The following PCDHA11 variants were observed in gnomAD, a reference collection of about 807,000 sequenced individuals.
PCDHA11 encodes the protein protocadherin alpha 11, also known as protocadherin alpha-11.
A neutral mutation model predicts 70.3 loss-of-function variants in PCDHA11; 61 were observed. The ratio of observed to expected loss-of-function variants is 0.87; its 90% CI spans 0.71 to 1.07. PCDHA11 has a LOEUF of 1.07. PCDHA11 is among the 50% of genes least tolerant of loss of function. The pLI, the probability that PCDHA11 is intolerant of heterozygous loss-of-function variation, is 0.00. For synonymous variants in PCDHA11, 633 were observed against 555.1 expected (o/e 1.14, Z -1.97); for missense variants, 1,324 against 1,237.5 (o/e 1.07, Z -1.05).
intron 3 of PCDHA11, among the ~76,000 whole-genome samples, chr5:141,004,899 C>A (rs898562164): frequency 4.6e-5 from 7 of 152,096 alleles, no homozygotes. Context: ...TCAGCTCTGC[C>A]AGGGTGTAAG....
intron 3 of PCDHA11, among the ~76,000 whole-genome samples, chr5:140,983,386 A>G (rs1426409765): frequency 2.6e-5 from 4 of 152,216 alleles, no homozygotes. Context: ...TCGCTGTGGC[A>G]GTTTTCAGAA....
chr5:141,009,627 A>G lies in PCDHA11; in HGVS notation c.2540A>G (p.Glu847Gly), dbSNP rs782179145. 6.2e-7 allele frequency: 1 copy of G among 1,612,842 alleles called. No individual in the cohort carries two copies. The highest frequency in any genetic ancestry group is 1.1e-5 in the South Asian group (1 of 90,980). The change falls in exon 4 of 4, where the codon GAA becomes GGA. Residue 847 changes from glutamate (E) to glycine (G), a missense_variant and splice_region_variant. By Grantham distance (98) the Glu-to-Gly change is moderately conservative (BLOSUM62 -2). Coordinates refer to ENST00000398640, the MANE Select transcript of PCDHA11 (RefSeq NM_018902.5). Reference protein sequence around the residue: ...QWPTVSSATPEPEAGEVSPPV... With the variant: ...QWPTVSSATPGPEAGEVSPPV... ...TGATTTGTAATGTTTTGTCTTTCAGAACCAGAGGCAGGAGAAGTGTCCCCT... is the reference window on the plus strand; with the variant it reads ...TGATTTGTAATGTTTTGTCTTTCAGGACCAGAGGCAGGAGAAGTGTCCCCT...
At chr5:140,928,356 C>A in intron 1 of PCDHA11, 1 of 1,614,176 alleles carries the variant, frequency 6.2e-7, no homozygotes, top group South Asian at 1.1e-5. Context: ...TGGATGTTAT[C>A]TCTGAAGGGC....
At position 140,870,420 on chromosome 5, in the gene PCDHA11, G is replaced by A. The variant is rs371557347; in HGVS notation, c.1317G>A (p.Arg439=). The A allele has an allele frequency of 5.6e-6, 9 of 1,614,234 alleles. No individual in the cohort carries two copies. Among genetic ancestry groups the A allele is most frequent in the Admixed American group, 1.7e-5 (1 of 60,036 alleles). ...CGCCTTCTCTGTGGGCCACGGCCAG[G>A]GTATCCGTGGAGGTGGCCGACGTGA... ...GGSPSLWATA[R]VSVEVADVND... is the part of the protein sequence containing the mutation. Residue 439 remains arginine (R), a synonymous_variant, in exon 1 of 4, where the codon AGG becomes AGA. Transcript: ENST00000398640.
chr5:140,984,168 A>C (rs1181991691), intron 3 of PCDHA11, among the ~76,000 whole-genome samples: 1 of 152,204 alleles, frequency 6.6e-6, no homozygotes, highest in Non-Finnish European at 1.5e-5. Context: ...TTCCCAAAGA[A>C]GCCACGTGAA....
At position 140,870,857 on chromosome 5, in the gene PCDHA11, G is replaced by C; in HGVS notation, c.1754G>C (p.Gly585Ala). 1 of 1,613,916 alleles carries C rather than the reference G, an allele frequency of 6.2e-7. No individual in the cohort carries two copies. The change falls in exon 1 of 4, where the codon GGT becomes GCT. Residue 585 changes from glycine to alanine, a missense_variant. By Grantham distance (60) the Gly-to-Ala change is moderately conservative. Coordinates refer to ENST00000398640, the MANE Select transcript of PCDHA11 (RefSeq NM_018902.5). ...AACAAGCTAGTACCGCGGTCGGTGG[G>C]TGCGGGCCACGTGGTGGCGAAGGTG... ...AVNKLVPRSVGAGHVVAKVRA... is the reference protein window; with the variant it reads ...AVNKLVPRSVAAGHVVAKVRA...
intron 1 of PCDHA11, among the ~76,000 whole-genome samples, chr5:140,922,827 A>G (rs2081011863): frequency 1.3e-5 from 2 of 152,244 alleles, no homozygotes; most frequent in South Asian, 4.1e-4. Context: ...GCATACTGCT[A>G]ATAGATGTCC....
intron 1 of PCDHA11, among the ~76,000 whole-genome samples, chr5:140,951,153 G>T (rs1585399827): frequency 3.4e-5 from 1 of 29,832 alleles, no homozygotes; most frequent in Admixed American, 3.1e-4. Context: ...ATTGAATATA[G>T]TTATAGTAGC....
intron 1 of PCDHA11, chr5:140,875,760 C>A (rs781811926): frequency 1.2e-6 from 2 of 1,614,200 alleles, no homozygotes; most frequent in Non-Finnish European, 1.7e-6. Flanking sequence ...AGAAGCTGTG[C>A]GGGCGGAGCG....
intron 1 of PCDHA11, chr5:140,927,725 C>T (rs782731204): frequency 1.2e-6 from 2 of 1,614,202 alleles, no homozygotes; most frequent in South Asian, 2.2e-5. Flanking sequence ...AGCACGCAAG[C>T]AGAGCTGCGA....
chr5:140,902,996 A>G (rs2069931370), intron 1 of PCDHA11, among the ~76,000 whole-genome samples: 1 of 152,126 alleles, frequency 6.6e-6, no homozygotes, highest in Admixed American at 6.6e-5. Context: ...TATTTTTGCA[A>G]TTGTGAATTG....
intron 3 of PCDHA11, among the ~76,000 whole-genome samples, chr5:141,002,222 G>A (rs1278350490): frequency 2.0e-5 from 3 of 152,212 alleles, no homozygotes; most frequent in Non-Finnish European, 4.4e-5. Context: ...AAAATGATGG[G>A]TTTTCTGGAA....
rs116232949 is a variant in PCDHA11, at chr5:140,982,448, G to A, written c.2451-27G>A. The A allele has an allele frequency of 4.0e-3, 6,396 of 1,613,770 alleles. 180 individuals carry two copies. In the African/African-American group the frequency reaches 0.067, roughly 17 times the overall value. ...ATGGGAAAGAATTTATGATCTAACC[G>A]TTATCTGGGTCTGTGTGTTTATTCA... On this transcript the variant is annotated intron_variant, in intron 2 of 3. Coordinates refer to ENST00000398640, the MANE Select transcript of PCDHA11 (RefSeq NM_018902.5).
intron 1 of PCDHA11, among the ~76,000 whole-genome samples, chr5:140,890,847 C>A (rs2062829860): frequency 1.3e-5 from 2 of 152,148 alleles, no homozygotes. Flanking sequence ...AGTTTTGTTT[C>A]TCTTCCTTAC....
In PCDHA11 at chr5:140,869,605, T is replaced by C. The variant is rs782447414; in HGVS notation, c.502T>C (p.Leu168=). ...TGCTGACATTGAAGAGAATGCTCTA[T>C]TGACCTACAGGCTAAGTAAAAATGA... The part of the protein sequence containing the change: ...SDADIEENAL[L]TYRLSKNEYF... The change falls in exon 1 of 4, where the codon TTG becomes CTG. Residue 168 remains leucine, a synonymous_variant. Transcript: ENST00000398640. 8.2e-5 allele frequency: 132 copies of C among 1,613,940 alleles called. No individual in the cohort carries two copies. Among genetic ancestry groups the C allele is most frequent in the Non-Finnish European group, 1.1e-4 (130 of 1,179,982 alleles).
Position 140,869,343 on chromosome 5 carries a change from G to A in PCDHA11, c.240G>A (p.Gln80=), listed in dbSNP as rs1554162925. Residue 80 remains glutamine, a synonymous_variant, in exon 1 of 4, where the codon CAG becomes CAA. Transcript: ENST00000398640. ...THGDLLEVNL[Q]NGILFVNSRI... ...GGGACCTTCTGGAGGTAAATCTGCA[G>A]AATGGCATTTTGTTTGTGAATTCTC... 6.2e-7 allele frequency: 1 copy of A among 1,613,974 alleles called. No homozygotes were observed. Among genetic ancestry groups the A allele is most frequent in the African/African-American group, 1.3e-5 (1 of 74,952 alleles).
At chr5:140,877,920 C>A in intron 1 of PCDHA11, 1 of 1,422,738 alleles carries the variant, frequency 7.0e-7, no homozygotes, top group Admixed American at 2.9e-5. Flanking sequence ...TCTCATTTTT[C>A]TTTATGATTC....
At chr5:140,920,842 A>G (rs1377558160) in intron 1 of PCDHA11, among the ~76,000 whole-genome samples, 1 of 127,576 alleles carries the variant, frequency 7.8e-6, no homozygotes, top group Non-Finnish European at 1.7e-5. Flanking sequence ...GACCAAATCT[A>G]AAAAAAAAAA....
In PCDHA11 at chr5:141,000,054, A is replaced by G. The variant is rs189634054; in HGVS notation, c.2540-9573A>G. On this transcript the variant is annotated intron_variant, in intron 3 of 3. Coordinates refer to ENST00000398640, the MANE Select transcript of PCDHA11 (RefSeq NM_018902.5). ...CCAATCACACACACACCACTCTCCC[A>G]GCTGCTCTGTAGATCACAATGCTAG... Among the ~76,000 whole-genome samples the G allele has an allele frequency of 4.0e-3, 609 of 152,230 alleles. 3 individuals carry two copies. Among genetic ancestry groups the G allele is most frequent in the African/African-American group, 0.014 (564 of 41,556 alleles).
Sources: gnomAD v4.1 joint callset for allele counts (sites outside exome capture counted in the v4.1 genomes callset) on GRCh38, gnomAD v4.1.1 for gene constraint, MANE v1.5 for transcripts, NCBI Gene and HGNC (gene_info 2026-07-23, HGNC 2026-07-21) for gene names.